Variants in ADGRV1 observed in about 807,000 individuals in gnomAD.
ADGRV1 encodes the protein adhesion G protein-coupled receptor V1.
Under a neutral mutation model 596.2 loss-of-function variants are expected in ADGRV1, and 359 were observed. The ratio of observed to expected loss-of-function variants is 0.60; its 90% confidence interval spans 0.55 to 0.66. ADGRV1 has a LOEUF of 0.66. ADGRV1 is among the 30% of genes least tolerant of loss of function. The pLI, the probability that ADGRV1 is intolerant of heterozygous loss-of-function variation, is 0.00. For synonymous variants in ADGRV1, 2,681 were observed against 2,679.2 expected (o/e 1.00, Z -0.02); for missense variants, 7,274 against 7,575.6 (o/e 0.96, Z 1.48).
chr5:90,998,480 A>G (rs1489146613), intron 85 of ADGRV1, among the ~76,000 whole-genome samples: 1 of 152,122 alleles, frequency 6.6e-6, no homozygotes, highest in African/African-American at 2.4e-5. Context: ...GTCAGTATGT[A>G]ATACCCATTA....
At chr5:90,888,357 G>T (rs764722591) in intron 83 of ADGRV1, among the ~76,000 whole-genome samples, 1 of 151,548 alleles carries the variant, frequency 6.6e-6, no homozygotes, top group Non-Finnish European at 1.5e-5. Flanking sequence ...AAGAGAAAAA[G>T]TTTTTTTTTG....
chr5:91,005,602 C>T (rs1006776870), intron 85 of ADGRV1, among the ~76,000 whole-genome samples: 11 of 152,128 alleles, frequency 7.2e-5, no homozygotes, highest in African/African-American at 2.7e-4. Flanking sequence ...GCTGCACTCT[C>T]CTACTTTATT....
chr5:91,022,579 G>A (rs1273000578), intron 85 of ADGRV1, among the ~76,000 whole-genome samples: 2 of 152,088 alleles, frequency 1.3e-5, no homozygotes, highest in Non-Finnish European at 2.9e-5. Flanking sequence ...AGATACATTT[G>A]TAGTCTTATT....
At chr5:91,066,855 T>A (rs1332757194) in intron 85 of ADGRV1, among the ~76,000 whole-genome samples, 1 of 152,182 alleles carries the variant, frequency 6.6e-6, no homozygotes, top group Non-Finnish European at 1.5e-5. Flanking sequence ...AGTTCTGCAA[T>A]GCTGTAGATA....
At chr5:90,932,866 G>A (rs1775376220) in intron 83 of ADGRV1, among the ~76,000 whole-genome samples, 1 of 151,998 alleles carries the variant, frequency 6.6e-6, no homozygotes, top group South Asian at 2.1e-4. Flanking sequence ...AAAACACACA[G>A]CAACAAGACT....
chr5:90,701,326 T>C (rs1167642577), intron 34 of ADGRV1, among the ~76,000 whole-genome samples: 1 of 150,082 alleles, frequency 6.7e-6, no homozygotes. Context: ...CCTGTGACTG[T>C]TTGACTTTTC....
chr5:90,645,203 C>A (rs117403047), intron 15 of ADGRV1, among the ~76,000 whole-genome samples: 4 of 152,154 alleles, frequency 2.6e-5, no homozygotes, highest in Non-Finnish European at 5.9e-5. Context: ...GTCTCAGCAC[C>A]GGGACACGGG....
chr5:90,900,957 C>T (rs1011660311), intron 83 of ADGRV1, among the ~76,000 whole-genome samples: 4 of 152,174 alleles, frequency 2.6e-5, no homozygotes, highest in African/African-American at 9.6e-5. Context: ...ATTTTTTCCC[C>T]TGACTAATCC....
intron 49 of ADGRV1, 95 bp downstream of exon 49, chr5:90,729,028 T>G (rs968096659): frequency 1.2e-6 from 1 of 829,758 alleles, no homozygotes; most frequent in Non-Finnish European, 1.8e-6. Context: ...TTGCAATAAT[T>G]TTTTACTAAT....
At chr5:91,135,095 C>T (rs1794521873) in intron 87 of ADGRV1, among the ~76,000 whole-genome samples, 1 of 150,578 alleles carries the variant, frequency 6.6e-6, no homozygotes, top group Admixed American at 6.6e-5. Context: ...GCAGGAGAAT[C>T]GCTTGAACCA....
intron 2 of ADGRV1, among the ~76,000 whole-genome samples, chr5:90,616,922 A>G (rs184679498): frequency 6.6e-6 from 1 of 152,332 alleles, no homozygotes; most frequent in African/African-American, 2.4e-5. Flanking sequence ...GGTAACCACC[A>G]TTCTACTCTC....
intron 34 of ADGRV1, among the ~76,000 whole-genome samples, chr5:90,700,191 G>A (rs1747729374): frequency 6.6e-6 from 1 of 152,124 alleles, no homozygotes; most frequent in Admixed American, 6.6e-5. Flanking sequence ...AAAACATCAT[G>A]GTGATTCTTC....
rs1052110592 is a variant in ADGRV1, at chr5:90,614,790, G to GAT, written c.23-44_23-43dup. The GAT allele has an allele frequency of 8.4e-6, 11 of 1,304,238 alleles. No individual in the cohort carries two copies. In the African/African-American group the frequency reaches 1.6e-4, roughly 19 times the overall value. 80.8% of individuals were successfully genotyped at this position (1,304,238 alleles called of 1,614,324 possible). ...TAGACAATACAATCTAATGAGAATA[G>GAT]ATTAGATATATTTTGTGAATAATAT... On this transcript the variant is annotated intron_variant, in intron 1 of 89. Coordinates refer to ENST00000405460, the MANE Select transcript of ADGRV1 (RefSeq NM_032119.4).
intron 74 of ADGRV1, among the ~76,000 whole-genome samples, chr5:90,813,132 C>T (rs1305007266): frequency 5.7e-5 from 2 of 34,914 alleles, no homozygotes; most frequent in African/African-American, 1.7e-4. Context: ...GACTCCGTCT[C>T]AAAAAAAAAA....
chr5:90,972,006 A>G (rs1207062295), intron 84 of ADGRV1, among the ~76,000 whole-genome samples: 1 of 152,158 alleles, frequency 6.6e-6, no homozygotes, highest in Non-Finnish European at 1.5e-5. Flanking sequence ...GATGGAGGAA[A>G]ATCTACCAAG....
chr5:91,124,639 G>T (rs899789597), intron 87 of ADGRV1, among the ~76,000 whole-genome samples: 1 of 152,018 alleles, frequency 6.6e-6, no homozygotes, highest in Non-Finnish European at 1.5e-5. Context: ...ACATAATGAA[G>T]GATAGAAAAA....
chr5:91,029,486 A>G (rs1172355598), intron 85 of ADGRV1, among the ~76,000 whole-genome samples: 1 of 152,180 alleles, frequency 6.6e-6, no homozygotes, highest in African/African-American at 2.4e-5. Flanking sequence ...GGAACATGTA[A>G]CTAGAAATGA....
intron 87 of ADGRV1, among the ~76,000 whole-genome samples, chr5:91,146,135 G>GA (rs1290480622): frequency 6.6e-6 from 1 of 152,140 alleles, no homozygotes; most frequent in African/African-American, 2.4e-5. Context: ...TTAATGAGCT[G>GA]AATGCCTTGC....
chr5:90,932,118 G>A (rs1775305611), intron 83 of ADGRV1, among the ~76,000 whole-genome samples: 1 of 152,174 alleles, frequency 6.6e-6, no homozygotes, highest in Non-Finnish European at 1.5e-5. Context: ...GGGTAAATCT[G>A]TATGTAATCA....
Sources: gnomAD v4.1 joint callset for allele counts (sites outside exome capture counted in the v4.1 genomes callset) on GRCh38, gnomAD v4.1.1 for gene constraint, MANE v1.5 for transcripts, NCBI Gene and HGNC (gene_info 2026-07-23, HGNC 2026-07-21) for gene names.